The following RABEP1 variants were observed in gnomAD, a reference collection of about 807,000 sequenced individuals.
RABEP1 encodes the protein rab GTPase-binding effector protein 1.
Under a neutral mutation model 123.4 loss-of-function variants are expected in RABEP1, and 51 were observed. The observed-to-expected ratio is 0.41, with a 90% CI of 0.33 to 0.52. The LOEUF (loss-of-function observed/expected upper bound fraction) is 0.52. Ranked by LOEUF, RABEP1 falls within the 20% of genes least tolerant of loss-of-function variation. RABEP1 has a pLI of 0.16. For synonymous variants in RABEP1, 347 were observed against 355.2 expected (o/e 0.98, Z 0.26); for missense variants, 888 against 996.3 (o/e 0.89, Z 1.46).
At chr17:5,299,448 C>G (rs1030548972) in intron 1 of RABEP1, among the ~76,000 whole-genome samples, 3 of 151,018 alleles carry the variant, frequency 2.0e-5, no homozygotes, top group Admixed American at 6.6e-5. Flanking sequence ...ACAGAGAACA[C>G]TGGGCATCAT....
chr17:5,384,314 C>A lies in RABEP1; in HGVS notation c.*1091C>A. On this transcript the variant is annotated 3_prime_UTR_variant, in exon 18 of 18. Coordinates refer to ENST00000537505, the MANE Select transcript of RABEP1 (RefSeq NM_004703.6). ...TGAAGAAAGCCTCAGTGAAACAGGT[C>A]TTTGCCATAACTTTATGAAGTGCTA... is the stretch of plus-strand genomic sequence containing the variant. The A allele has an allele frequency of 4.7e-6, 1 of 213,942 alleles. No homozygotes were observed. Among genetic ancestry groups the A allele is most frequent in the South Asian group, 1.9e-4 (1 of 5,362 alleles). 13.3% of individuals were successfully genotyped at this position (213,942 alleles called of 1,614,324 possible). A position where few individuals can be genotyped will look rare whatever the true frequency, so the allele number is the denominator to read the frequency against.
At chr17:5,317,435 T>C (rs907154649) in intron 2 of RABEP1, among the ~76,000 whole-genome samples, 1 of 152,132 alleles carries the variant, frequency 6.6e-6, no homozygotes, top group Non-Finnish European at 1.5e-5. Flanking sequence ...GAAAATGGGC[T>C]TCTACAAAAA....
chr17:5,380,675 G>A, intron 16 of RABEP1: 1 of 557,480 alleles, frequency 1.8e-6, no homozygotes. Context: ...CTGCGTCATA[G>A]GCTAGCTTCA....
intron 1 of RABEP1, among the ~76,000 whole-genome samples, chr17:5,294,989 TA>T (rs557298414): frequency 9.3e-5 from 14 of 151,334 alleles, no homozygotes; most frequent in African/African-American, 2.9e-4. Context: ...AAAATATGTT[TA>T]AAAAAAAACG....
intron 1 of RABEP1, among the ~76,000 whole-genome samples, chr17:5,294,990 A>T (rs897537934): frequency 6.6e-5 from 10 of 150,880 alleles, no homozygotes; most frequent in African/African-American, 1.7e-4. Context: ...AAATATGTTT[A>T]AAAAAAAACG....
Position 5,380,416 on chromosome 17 carries a change from T to G in RABEP1, c.2324T>G (p.Ile775Arg). The change falls in exon 16 of 18, where the codon ATA (isoleucine) becomes AGA (arginine). Residue 775 changes from isoleucine to arginine, a missense_variant. Ile to Arg is a moderately conservative substitution (Grantham distance 97, BLOSUM62 -3). Coordinates refer to ENST00000537505, the MANE Select transcript of RABEP1 (RefSeq NM_004703.6). ...CAACAGCTTGAGAGTCTTCAGGAAA[T>G]AAAGATCAGTTTGGAAGAGCAGTTA... Reference protein sequence around the residue: ...KSQQLESLQEIKISLEEQLKK... With the variant: ...KSQQLESLQERKISLEEQLKK... The G allele has an allele frequency of 6.4e-7, 1 of 1,571,904 alleles. No homozygotes were observed. The highest frequency in any genetic ancestry group is 1.3e-5 in the African/African-American group (1 of 74,222).
At chr17:5,321,696 C>T (rs957668987) in intron 2 of RABEP1, among the ~76,000 whole-genome samples, 5 of 152,152 alleles carry the variant, frequency 3.3e-5, no homozygotes, top group African/African-American at 9.7e-5. Flanking sequence ...ATATTTCATG[C>T]AACTGGAAAC....
chr17:5,292,972 GT>G (rs1442425589), intron 1 of RABEP1, among the ~76,000 whole-genome samples: 2 of 152,174 alleles, frequency 1.3e-5, no homozygotes, highest in African/African-American at 4.8e-5. Context: ...ATGAGCTGCT[GT>G]GCCTTGTTCA....
chr17:5,363,700 G>T (rs1329214195), intron 10 of RABEP1, among the ~76,000 whole-genome samples: 1 of 152,136 alleles, frequency 6.6e-6, no homozygotes, highest in Non-Finnish European at 1.5e-5. Context: ...TAGAATAAAG[G>T]CTTAATGGAA....
intron 11 of RABEP1, among the ~76,000 whole-genome samples, 158 bp from the exon 12 acceptor site, chr17:5,368,212 C>T (rs1910241798): frequency 6.6e-6 from 1 of 152,162 alleles, no homozygotes; most frequent in Non-Finnish European, 1.5e-5. Context: ...CAAGGCTTTG[C>T]ACATAGCAGA....
At chr17:5,347,021 C>A in intron 6 of RABEP1, 96 bp downstream of exon 6, 1 of 1,031,614 alleles carries the variant, frequency 9.7e-7, no homozygotes, top group Non-Finnish European at 1.3e-6. Context: ...AATAACAATG[C>A]AACATGTTAG....
chr17:5,364,194 T>G (rs1909817994), intron 10 of RABEP1: 1 of 152,188 alleles, frequency 6.6e-6, no homozygotes, highest in Admixed American at 6.5e-5. Flanking sequence ...TCATAAACAT[T>G]TCAGTAGACT....
rs896382592 is a variant in RABEP1 at position 5,282,289 on chromosome 17, G to T, written c.-198G>T. On this transcript the variant is annotated 5_prime_UTR_variant, in exon 1 of 18. Transcript: ENST00000537505. ...CGCACTGCTTATTTCCCGCTGTCAGGATGAGGAGGCGGAGGTCGGCGGTCG... is the reference window on the plus strand; with the variant it reads ...CGCACTGCTTATTTCCCGCTGTCAGTATGAGGAGGCGGAGGTCGGCGGTCG... 2 of 407,314 alleles carry T rather than the reference G, an allele frequency of 4.9e-6. No homozygotes were observed. The highest frequency in any genetic ancestry group is 4.1e-5 in the African/African-American group (2 of 48,592). 25.2% of individuals were successfully genotyped at this position (407,314 alleles called of 1,614,324 possible). A position where few individuals can be genotyped will look rare whatever the true frequency, so the allele number is the denominator to read the frequency against.
chr17:5,348,599 C>T (rs564939805), intron 6 of RABEP1, among the ~76,000 whole-genome samples: 24 of 151,556 alleles, frequency 1.6e-4, no homozygotes, highest in African/African-American at 5.6e-4. Context: ...TTGCCCTTGT[C>T]GCCCAGGCTG....
intron 1 of RABEP1, among the ~76,000 whole-genome samples, chr17:5,295,049 A>G (rs1395701221): frequency 6.6e-6 from 1 of 151,952 alleles, no homozygotes; most frequent in East Asian, 1.9e-4. Context: ...GTTTTTTCCC[A>G]CTTAAATGAA....
intron 5 of RABEP1, among the ~76,000 whole-genome samples, chr17:5,339,945 T>G (rs760583278): frequency 2.0e-5 from 3 of 152,078 alleles, no homozygotes; most frequent in Non-Finnish European, 4.4e-5. Flanking sequence ...TAAAGAGGGA[T>G]CCTATCTAAT....
chr17:5,363,075 T>A, intron 10 of RABEP1, 59 bp downstream of exon 10: 1 of 1,294,526 alleles, frequency 7.7e-7, no homozygotes, highest in Non-Finnish European at 1.1e-6. Flanking sequence ...AGGTGCAGAA[T>A]TAATTGCCCC....
intron 6 of RABEP1, among the ~76,000 whole-genome samples, chr17:5,349,528 T>C (rs1213237568): frequency 6.6e-6 from 1 of 152,158 alleles, no homozygotes; most frequent in Non-Finnish European, 1.5e-5. Context: ...ACACATACAT[T>C]TTACAAAGAT....
intron 2 of RABEP1, among the ~76,000 whole-genome samples, chr17:5,320,836 C>T (rs1317325479): frequency 6.6e-6 from 1 of 152,066 alleles, no homozygotes; most frequent in East Asian, 1.9e-4. Context: ...CACTTAGCCC[C>T]AAAGACAGAA....
Sources: allele counts gnomAD v4.1 joint callset (sites outside exome capture counted in the v4.1 genomes callset), GRCh38; gene constraint gnomAD v4.1.1; transcripts MANE v1.5; gene names NCBI Gene and HGNC (gene_info 2026-07-23, HGNC 2026-07-21).